AUTS2: variants seen among roughly 807,000 people sequenced by gnomAD.
AUTS2 encodes the protein activator of transcription and developmental regulator AUTS2, also known as autism susceptibility gene 2 protein.
In AUTS2, 17 loss-of-function variants were observed where a neutral mutation model predicts 112.4. The ratio of observed to expected loss-of-function variants is 0.15; its 90% CI spans 0.10 to 0.23. The LOEUF (loss-of-function observed/expected upper bound fraction) is 0.23. Among genes scored for constraint, AUTS2 ranks in the 10% least tolerant of loss-of-function variants. AUTS2 has a pLI of 1.00. For missense variants in AUTS2, 1,510 were observed against 1,701.6 expected (o/e 0.89, Z 1.98); for synonymous variants, 751 against 702.7 (o/e 1.07, Z -1.09).
chr7:70,134,723 T>C (rs1315168238), intron 4 of AUTS2, 152 bp downstream of exon 4: 1 of 803,340 alleles, frequency 1.2e-6, no homozygotes, highest in African/African-American at 1.7e-5. Flanking sequence ...GGAATTGTTT[T>C]ATTTTTAGAA....
chr7:70,784,761 AAAAAAAAAAAAAC>A (rs1791326212), intron 15 of AUTS2, 168 bp from the exon 16 acceptor site: 26 of 441,646 alleles, frequency 5.9e-5, no homozygotes, highest in East Asian at 1.5e-4. Flanking sequence ...AAAAAAAAAA[AAAAAAAAAAAAAC>A]ACACATTTTC....
chr7:70,272,733 T>G (rs199655117), intron 4 of AUTS2, among the ~76,000 whole-genome samples: 10 of 151,664 alleles, frequency 6.6e-5, no homozygotes, highest in African/African-American at 2.2e-4. Flanking sequence ...GTTGCTGTTT[T>G]TTTGTTTGTT....
At chr7:70,044,119 C>G (rs533962899) in intron 2 of AUTS2, among the ~76,000 whole-genome samples, 1 of 152,270 alleles carries the variant, frequency 6.6e-6, no homozygotes, top group South Asian at 2.1e-4. Flanking sequence ...AGGCCATTGA[C>G]TGGAAGGCAC....
At chr7:70,504,682 T>C (rs1290614381) in intron 5 of AUTS2, among the ~76,000 whole-genome samples, 1 of 152,216 alleles carries the variant, frequency 6.6e-6, no homozygotes, top group Non-Finnish European at 1.5e-5. Context: ...CCTCTCGAAA[T>C]CATGAGTTTC....
intron 2 of AUTS2, among the ~76,000 whole-genome samples, chr7:69,948,841 T>A (rs1222484663): frequency 6.6e-6 from 1 of 151,892 alleles, no homozygotes; most frequent in Non-Finnish European, 1.5e-5. Context: ...GTTTCACTCT[T>A]GTCACCCAGG....
chr7:70,441,447 A>C (rs1237798635), intron 5 of AUTS2, among the ~76,000 whole-genome samples: 1 of 152,112 alleles, frequency 6.6e-6, no homozygotes, highest in African/African-American at 2.4e-5. Context: ...GTACAATGGC[A>C]TAATCTTAGC....
chr7:70,122,492 C>G (rs1394083631), intron 3 of AUTS2, among the ~76,000 whole-genome samples: 6 of 152,004 alleles, frequency 3.9e-5, no homozygotes, highest in Admixed American at 3.9e-4. Context: ...TGTTTTTTCT[C>G]TTCATTATGG....
At chr7:70,001,795 C>T (rs1442935279) in intron 2 of AUTS2, among the ~76,000 whole-genome samples, 2 of 150,752 alleles carry the variant, frequency 1.3e-5, no homozygotes, top group Non-Finnish European at 2.9e-5. Flanking sequence ...ACTGCAACCT[C>T]TGCCTTCCAG....
At chr7:70,373,179 G>C (rs921967897) in intron 4 of AUTS2, among the ~76,000 whole-genome samples, 5 of 151,786 alleles carry the variant, frequency 3.3e-5, no homozygotes, top group African/African-American at 1.2e-4. Context: ...AAGGATGAGA[G>C]GGTCTGTGGG....
intron 4 of AUTS2, among the ~76,000 whole-genome samples, chr7:70,295,438 C>A (rs988721509): frequency 3.3e-5 from 5 of 152,318 alleles, no homozygotes; most frequent in Admixed American, 1.3e-4. Context: ...AACCTCCGTT[C>A]TCTCTCTGTT....
chr7:70,379,400 G>T (rs1348107153), intron 4 of AUTS2, among the ~76,000 whole-genome samples: 1 of 151,944 alleles, frequency 6.6e-6, no homozygotes, highest in African/African-American at 2.4e-5. Flanking sequence ...GACTCAGAAG[G>T]CTGAGGTGGG....
intron 1 of AUTS2, among the ~76,000 whole-genome samples, chr7:69,883,977 C>A (rs1009223884): frequency 6.6e-6 from 1 of 152,180 alleles, no homozygotes; most frequent in African/African-American, 2.4e-5. Context: ...ATCAATAAAT[C>A]CTTCTGGGAT....
chr7:70,585,100 G>A (rs1802621722), intron 5 of AUTS2, among the ~76,000 whole-genome samples: 1 of 152,188 alleles, frequency 6.6e-6, no homozygotes, highest in Non-Finnish European at 1.5e-5. Context: ...TAACCAGTTG[G>A]GAGCTGAGAG....
chr7:70,375,955 G>T (rs1793065474), intron 4 of AUTS2, among the ~76,000 whole-genome samples: 1 of 151,704 alleles, frequency 6.6e-6, no homozygotes, highest in Admixed American at 6.6e-5. Flanking sequence ...GTTCAATCTT[G>T]AAATAATGGC....
intron 6 of AUTS2, among the ~76,000 whole-genome samples, chr7:70,708,113 C>T (rs750473415): frequency 2.6e-5 from 4 of 152,170 alleles, no homozygotes; most frequent in African/African-American, 7.2e-5. Flanking sequence ...ACTTGGAAAA[C>T]ATTTTCCCCC....
chr7:70,768,889 T>TTTTTTTTC (rs1790122764), intron 10 of AUTS2, among the ~76,000 whole-genome samples: 1 of 151,256 alleles, frequency 6.6e-6, no homozygotes, highest in Non-Finnish European at 1.5e-5. Flanking sequence ...TTTTTTTTTT[T>TTTTTTTTC]TTTTAATGAA....
In AUTS2 at chr7:69,854,932, G is replaced by A. The variant is rs372695808; in HGVS notation, c.310-44354G>A. ...CCAGAAACCATATGTGTTTGTGGGA[G>A]TTTGGTTTAATTTTGGGGAAGATAT... On this transcript the variant is annotated intron_variant, in intron 1 of 18. Transcript: ENST00000342771. 3.9e-5 allele frequency among the ~76,000 whole-genome samples: 6 copies of A among 152,260 alleles called. No individual in the cohort carries two copies. In the East Asian group the frequency reaches 9.6e-4, roughly 24 times the overall value.
intron 2 of AUTS2, among the ~76,000 whole-genome samples, chr7:70,052,098 A>T (rs529075894): frequency 6.6e-6 from 1 of 152,348 alleles, no homozygotes; most frequent in East Asian, 1.9e-4. Context: ...AGGTTAAATG[A>T]TGAGTATTGT....
intron 13 of AUTS2, among the ~76,000 whole-genome samples, chr7:70,776,055 G>A (rs1790667839): frequency 1.3e-5 from 2 of 152,184 alleles, no homozygotes; most frequent in Non-Finnish European, 2.9e-5. Flanking sequence ...GGAAAAAGGA[G>A]AATTGTGTCA....
Sources: allele counts gnomAD v4.1 joint callset (sites outside exome capture counted in the v4.1 genomes callset), GRCh38; gene constraint gnomAD v4.1.1; transcripts MANE v1.5; gene names NCBI Gene and HGNC (gene_info 2026-07-23, HGNC 2026-07-21).